The following PIEZO2 variants were observed in gnomAD, a reference collection of about 807,000 sequenced individuals.
PIEZO2 encodes piezo type mechanosensitive ion channel component 2.
PIEZO2 carries 172 observed loss-of-function variants against 337.3 expected under a neutral mutation model. The observed-to-expected ratio is 0.51, with a 90% CI of 0.45 to 0.58. The LOEUF (loss-of-function observed/expected upper bound fraction) is 0.58, where lower values mean the gene tolerates loss of function less well. Among genes scored for constraint, PIEZO2 ranks in the 20% least tolerant of loss-of-function variants. The pLI, the probability that PIEZO2 is intolerant of heterozygous loss-of-function variation, is 0.00. For missense variants in PIEZO2, 3,028 were observed against 3,391.3 expected (o/e 0.89, Z 2.66); for synonymous variants, 1,251 against 1,228.5 (o/e 1.02, Z -0.38).
intron 7 of PIEZO2, among the ~76,000 whole-genome samples, chr18:10,832,732 G>A (rs925376053): frequency 3.3e-5 from 5 of 152,268 alleles, no homozygotes; most frequent in Admixed American, 6.5e-5. Context: ...GGCTCCACCC[G>A]CCCAGGATTA....
chr18:10,760,767 A>G (rs2038093215), intron 24 of PIEZO2, 144 bp downstream of exon 24: 2 of 712,570 alleles, frequency 2.8e-6, no homozygotes, highest in South Asian at 4.0e-5. Flanking sequence ...GTTAACCATC[A>G]GTACAAATAC....
Position 11,010,734 on chromosome 18 carries a change from C to T in PIEZO2, c.161-31074G>A, listed in dbSNP as rs185611767. On this transcript the variant is annotated intron_variant, in intron 2 of 55. Coordinates refer to ENST00000674853, the MANE Select transcript of PIEZO2 (RefSeq NM_001378183.1). ...GGGGTCATTAAATAATAAAAGAATC[C>T]GAGTATATCAAGCCATTACTTTGCC... Among the ~76,000 whole-genome samples the T allele has an allele frequency of 3.9e-5, 6 of 152,054 alleles. No individual in the cohort carries two copies. The East Asian group carries it at 9.6e-4, about 24-fold the overall frequency.
rs551043501 is a variant in PIEZO2, at chr18:10,903,438, C to G, written c.329+7748G>C. On this transcript the variant is annotated intron_variant, in intron 4 of 55. Coordinates refer to ENST00000674853, the MANE Select transcript of PIEZO2 (RefSeq NM_001378183.1). This position sits in a 1 kb window ranked among gnomAD's most constrained non-coding sequence, Gnocchi z 4.1. ...ATCCCAGCACTTTGAGAGGCCAAGG[C>G]GGGCGGATCATGAGGTCAAGAGATC... Among the ~76,000 whole-genome samples, 4 of 152,086 alleles carry G rather than the reference C, an allele frequency of 2.6e-5. No individual in the cohort carries two copies.
rs551083984 is a variant in PIEZO2, at chr18:10,758,371, A to G, written c.3758-237T>C. Among the ~76,000 whole-genome samples the G allele has an allele frequency of 3.9e-5, 6 of 152,264 alleles. No individual in the cohort carries two copies. The East Asian group carries it at 1.2e-3, about 29-fold the overall frequency. ...AGGAGCTTACGTGGGGAGTCTCTGA[A>G]TTTTGTTTGCACATCGGTGAGAGAA... On this transcript the variant is annotated intron_variant, in intron 26 of 55. Transcript: ENST00000674853.
At chr18:10,679,249 A>G (rs767961082) in intron 52 of PIEZO2, among the ~76,000 whole-genome samples, 6 of 152,148 alleles carry the variant, frequency 3.9e-5, no homozygotes, top group Non-Finnish European at 8.8e-5. Flanking sequence ...TTTCTTTATC[A>G]TTTAGACCAA....
intron 2 of PIEZO2, among the ~76,000 whole-genome samples, chr18:10,987,672 G>A (rs2034931473): frequency 6.6e-6 from 1 of 151,916 alleles, no homozygotes; most frequent in African/African-American, 2.4e-5. Flanking sequence ...AAAAGCACAG[G>A]CAACAGAAGC....
chr18:10,904,999 G>A (rs1477761582), intron 4 of PIEZO2, among the ~76,000 whole-genome samples: 2 of 152,126 alleles, frequency 1.3e-5, no homozygotes, highest in Non-Finnish European at 2.9e-5. Context: ...GCTTAAAAAT[G>A]TTCAAAGAAG....
intron 3 of PIEZO2, among the ~76,000 whole-genome samples, chr18:10,927,995 T>A (rs1216452527): frequency 2.0e-5 from 3 of 152,088 alleles, no homozygotes; most frequent in Non-Finnish European, 2.9e-5. Context: ...TAAGGAAGAT[T>A]CAAAATTTCA....
chr18:11,090,138 T>C (rs1383974941), intron 1 of PIEZO2, among the ~76,000 whole-genome samples: 1 of 152,198 alleles, frequency 6.6e-6, no homozygotes, highest in Non-Finnish European at 1.5e-5. Context: ...GGTTCCTCTT[T>C]TCTATGGATT....
Position 10,899,968 on chromosome 18 carries a change from G to T in PIEZO2, c.329+11218C>A, listed in dbSNP as rs2043002613. Among the ~76,000 whole-genome samples the T allele has an allele frequency of 6.6e-6, 1 of 152,094 alleles. No individual in the cohort carries two copies. The highest frequency in any genetic ancestry group is 2.4e-5 in the African/African-American group (1 of 41,400). On this transcript the variant is annotated intron_variant, in intron 4 of 55. Coordinates refer to ENST00000674853, the MANE Select transcript of PIEZO2 (RefSeq NM_001378183.1). This position sits in a 1 kb window ranked among gnomAD's most constrained non-coding sequence, Gnocchi z 4.6. ...AGGAAGATGGAGATTACAAATCAGA[G>T]AATATTTTCTTCCAGCCATGTTTTG...
intron 3 of PIEZO2, among the ~76,000 whole-genome samples, chr18:10,975,965 C>T (rs1328211957): frequency 6.6e-6 from 1 of 152,096 alleles, no homozygotes; most frequent in Non-Finnish European, 1.5e-5. Flanking sequence ...GTTATCTATG[C>T]AGATGCCAAA....
At position 11,031,503 on chromosome 18, in the gene PIEZO2, A is replaced by G. The variant is rs1006501241; in HGVS notation, c.160+34624T>C. Among the ~76,000 whole-genome samples the G allele has an allele frequency of 2.0e-5, 3 of 152,220 alleles. No individual in the cohort carries two copies. The highest frequency in any genetic ancestry group is 7.2e-5 in the African/African-American group (3 of 41,450). ...TTCTTCAAAATAGCTGAATTTTATA[A>G]CACTGGAACTTATACTATTTGATAT... On this transcript the variant is annotated intron_variant, in intron 2 of 55. Transcript: ENST00000674853. The surrounding 1 kb of genome is among the most constrained non-coding windows in gnomAD (Gnocchi z 4.7).
chr18:11,053,103 T>C (rs1313926717), intron 2 of PIEZO2, among the ~76,000 whole-genome samples: 3 of 152,234 alleles, frequency 2.0e-5, no homozygotes, highest in African/African-American at 7.2e-5. Context: ...GACATGAGGA[T>C]TATTGATCAT....
chr18:10,889,313 G>C (rs1275278230), intron 4 of PIEZO2, among the ~76,000 whole-genome samples: 1 of 152,232 alleles, frequency 6.6e-6, no homozygotes, highest in Non-Finnish European at 1.5e-5. Context: ...AATCTGAACT[G>C]CTGCCTATTT....
At position 10,677,665 on chromosome 18, in the gene PIEZO2, T is replaced by A. The variant is rs1364781867; in HGVS notation, c.8081+82A>T. On this transcript the variant is annotated intron_variant, in intron 53 of 55. Transcript: ENST00000674853. This position sits in a 1 kb window ranked among gnomAD's most constrained non-coding sequence, Gnocchi z 4.1. ...CCAAAGAATGAAGTTGCATTCCTCA[T>A]ACACATGAATCTGTAGATGGACATT... 6.8e-7 allele frequency: 1 copy of A among 1,472,178 alleles called. No individual in the cohort carries two copies. Among genetic ancestry groups the A allele is most frequent in the Non-Finnish European group, 9.3e-7 (1 of 1,080,936 alleles). The allele number at this position is 1,472,178 out of a possible 1,614,324, so 91.2% of individuals were successfully genotyped here. A position where few individuals can be genotyped will look rare whatever the true frequency, so the allele number is the denominator to read the frequency against.
At chr18:10,970,246 A>G (rs1031613125) in intron 3 of PIEZO2, among the ~76,000 whole-genome samples, 2 of 152,208 alleles carry the variant, frequency 1.3e-5, no homozygotes, top group African/African-American at 4.8e-5. Context: ...ACATTCTTCC[A>G]GGGAAATAAC....
In PIEZO2 at chr18:10,742,048, G is replaced by A. The variant is rs113808331; in HGVS notation, c.4636+446C>T. ...CGGGCACCTGTAGTCCCAGCTACTC[G>A]GGAGGCTGAGGCAGGAGAATGGCGT... On this transcript the variant is annotated intron_variant, in intron 32 of 55. Transcript: ENST00000674853. Among the ~76,000 whole-genome samples, 1,275 of 152,048 alleles carry A rather than the reference G, an allele frequency of 8.4e-3. 23 individuals are homozygous for A. Among genetic ancestry groups the A allele is most frequent in the African/African-American group, 0.029 (1,189 of 41,484 alleles).
chr18:10,787,187 G>T lies in PIEZO2; in HGVS notation c.2170-3C>A. ...TTCCTCCACCATTCATAGTGCACCT[G>T]CAAATCAGACATTGAAAAAAAAAAA... On this transcript the variant is annotated splice_polypyrimidine_tract_variant and splice_region_variant and intron_variant, in intron 15 of 55. Transcript: ENST00000674853. 6.7e-7 allele frequency: 1 copy of T among 1,490,356 alleles called. No homozygotes were observed. The highest frequency in any genetic ancestry group is 1.3e-5 in the South Asian group (1 of 77,046). 92.3% of individuals were successfully genotyped at this position (1,490,356 alleles called of 1,614,324 possible). A position where few individuals can be genotyped will look rare whatever the true frequency, so the allele number is the denominator to read the frequency against.
At chr18:11,147,692 G>C (rs1217708847) in intron 1 of PIEZO2, among the ~76,000 whole-genome samples, 2 of 152,232 alleles carry the variant, frequency 1.3e-5, no homozygotes, top group Non-Finnish European at 2.9e-5. Flanking sequence ...CACAGGCACT[G>C]CCTGTTTGAG....
Sources: gnomAD v4.1 joint callset for allele counts (sites outside exome capture counted in the v4.1 genomes callset) on GRCh38, gnomAD v4.1.1 for gene constraint, Gnocchi (gnomAD v3.1) non-coding constraint, MANE v1.5 for transcripts, NCBI Gene and HGNC (gene_info 2026-07-23, HGNC 2026-07-21) for gene names.